The following CSMD1 variants were observed in gnomAD, a reference collection of about 807,000 sequenced individuals.
The protein encoded by CSMD1 is CUB and sushi domain-containing protein 1.
CSMD1 carries 213 observed loss-of-function variants against 417.5 expected under a neutral mutation model. The ratio of observed to expected loss-of-function variants is 0.51; its 90% CI spans 0.46 to 0.57. CSMD1 has a LOEUF of 0.57. Among genes scored for constraint, CSMD1 ranks in the 20% least tolerant of loss-of-function variants. CSMD1 has a pLI of 0.00. For missense variants in CSMD1, 6,923 were observed against 4,529.7 expected (o/e 1.53, Z -15.17); for synonymous variants, 2,862 against 1,736.8 (o/e 1.65, Z -16.11).
At chr8:3,166,749 T>G (rs564389828) in intron 37 of CSMD1, among the ~76,000 whole-genome samples, 1 of 152,158 alleles carries the variant, frequency 6.6e-6, no homozygotes, top group South Asian at 2.1e-4. Flanking sequence ...GGAAGACATA[T>G]ACAAATAAAA....
At chr8:4,913,818 G>T (rs1161951222) in intron 1 of CSMD1, among the ~76,000 whole-genome samples, 1 of 152,176 alleles carries the variant, frequency 6.6e-6, no homozygotes, top group African/African-American at 2.4e-5. Context: ...ACTCTTTGGG[G>T]CTTCATAACC....
intron 3 of CSMD1, among the ~76,000 whole-genome samples, chr8:4,357,369 A>C (rs1481963529): frequency 6.6e-6 from 1 of 152,200 alleles, no homozygotes; most frequent in Non-Finnish European, 1.5e-5. Flanking sequence ...AGCTGAGCCC[A>C]CTGTATTTCA....
At chr8:4,216,565 G>A (rs1440821701) in intron 3 of CSMD1, among the ~76,000 whole-genome samples, 1 of 152,162 alleles carries the variant, frequency 6.6e-6, no homozygotes, top group Non-Finnish European at 1.5e-5. Flanking sequence ...TGAGTCTGCT[G>A]CCACTGCCAA....
At chr8:3,098,493 G>A (rs761090485) in intron 46 of CSMD1, among the ~76,000 whole-genome samples, 1 of 151,934 alleles carries the variant, frequency 6.6e-6, no homozygotes, top group Non-Finnish European at 1.5e-5. Context: ...ACATTTCATA[G>A]AACTCTTTAA....
intron 3 of CSMD1, among the ~76,000 whole-genome samples, chr8:4,145,715 A>T (rs773574741): frequency 6.6e-6 from 1 of 150,974 alleles, no homozygotes; most frequent in Non-Finnish European, 1.5e-5. Flanking sequence ...AATGAAGAAC[A>T]TATATTTGAC....
intron 15 of CSMD1, among the ~76,000 whole-genome samples, chr8:3,403,709 C>A (rs1016039056): frequency 1.3e-5 from 2 of 152,184 alleles, no homozygotes; most frequent in Non-Finnish European, 2.9e-5. Context: ...CCTGAAAATT[C>A]ATGCTTCCAA....
intron 6 of CSMD1, among the ~76,000 whole-genome samples, chr8:3,737,468 C>T (rs181759196): frequency 3.9e-5 from 6 of 152,244 alleles, no homozygotes; most frequent in Admixed American, 3.9e-4. Flanking sequence ...TGTTAAATGC[C>T]ATCATCTTGC....
rs370283747 is a variant in CSMD1 at position 4,758,776 on chromosome 8, A to G, written c.86-121218T>C. On this transcript the variant is annotated intron_variant, in intron 1 of 69. Transcript: ENST00000635120. ...ACCAGATCTGGTGAGAAGTCCCTCA[A>G]TGTCATGAGAACAGCATGGGAGAAC... is the stretch of plus-strand genomic sequence containing the variant. Among the ~76,000 whole-genome samples, 14 of 152,262 alleles carry G rather than the reference A, an allele frequency of 9.2e-5. No homozygotes were observed. The East Asian group carries it at 1.9e-3, about 21-fold the overall frequency.
At chr8:3,949,669 A>C (rs778647164) in intron 5 of CSMD1, among the ~76,000 whole-genome samples, 1 of 152,038 alleles carries the variant, frequency 6.6e-6, no homozygotes, top group Non-Finnish European at 1.5e-5. Flanking sequence ...GATGAGAGAA[A>C]GGAGGAGGAG....
chr8:4,071,151 C>T (rs1467749845), intron 3 of CSMD1, among the ~76,000 whole-genome samples: 1 of 151,518 alleles, frequency 6.6e-6, no homozygotes, highest in African/African-American at 2.4e-5. Context: ...TGGAGAATGT[C>T]ATCCATTAGT....
chr8:3,371,315 G>A (rs892771679), intron 18 of CSMD1, among the ~76,000 whole-genome samples: 3 of 152,098 alleles, frequency 2.0e-5, no homozygotes, highest in African/African-American at 7.2e-5. Context: ...ACCGCTCTGT[G>A]CTTCCATGGC....
chr8:4,274,218 G>C (rs567822776), intron 3 of CSMD1, among the ~76,000 whole-genome samples: 1 of 152,068 alleles, frequency 6.6e-6, no homozygotes, highest in East Asian at 1.9e-4. Context: ...AGTTTATAAA[G>C]TCCAGGCCTC....
chr8:4,188,186 T>C (rs1288812821), intron 3 of CSMD1, among the ~76,000 whole-genome samples: 1 of 152,078 alleles, frequency 6.6e-6, no homozygotes. Flanking sequence ...CTAACGATGA[T>C]TTTGGCAGGA....
At chr8:3,494,958 G>A (rs1010245238) in intron 10 of CSMD1, among the ~76,000 whole-genome samples, 1 of 152,088 alleles carries the variant, frequency 6.6e-6, no homozygotes, top group African/African-American at 2.4e-5. Flanking sequence ...ATTCCAACAG[G>A]CTCTAAACAG....
intron 3 of CSMD1, among the ~76,000 whole-genome samples, chr8:4,111,240 T>A (rs1563137387): frequency 6.6e-6 from 1 of 152,170 alleles, no homozygotes; most frequent in Non-Finnish European, 1.5e-5. Context: ...CGTCTTTGCT[T>A]TCTATTATCA....
intron 12 of CSMD1, among the ~76,000 whole-genome samples, chr8:3,427,325 G>C (rs929625231): frequency 6.6e-6 from 1 of 152,014 alleles, no homozygotes; most frequent in African/African-American, 2.4e-5. Flanking sequence ...CTGAAGTCCT[G>C]GAAATGAATC....
At chr8:3,442,740 C>A (rs1000911470) in intron 12 of CSMD1, among the ~76,000 whole-genome samples, 4 of 152,180 alleles carry the variant, frequency 2.6e-5, no homozygotes, top group African/African-American at 9.7e-5. Context: ...TATATATACA[C>A]ACACATACAC....
intron 2 of CSMD1, among the ~76,000 whole-genome samples, chr8:4,465,582 AGGCCACTTAGAAGTCAGACG>A (rs1800116643): frequency 6.6e-6 from 1 of 152,196 alleles, no homozygotes; most frequent in South Asian, 2.1e-4. Context: ...GTTTTTCAGC[AGGCCACTTAGAAGTCAGACG>A]TTGAGGATTA....
intron 2 of CSMD1, among the ~76,000 whole-genome samples, chr8:4,551,634 A>G (rs1415591947): frequency 3.3e-5 from 5 of 152,224 alleles, no homozygotes; most frequent in South Asian, 4.1e-4. Flanking sequence ...TTTAACATAC[A>G]GGACAATGTT....
Sources: allele counts gnomAD v4.1 joint callset (sites outside exome capture counted in the v4.1 genomes callset), GRCh38; gene constraint gnomAD v4.1.1; transcripts MANE v1.5; gene names NCBI Gene and HGNC (gene_info 2026-07-23, HGNC 2026-07-21).